ZNF45: variants seen among roughly 807,000 people sequenced by gnomAD.
ZNF45 encodes the protein BRC1744.
In ZNF45, 4 loss-of-function variants were observed where a neutral mutation model predicts 12.0. The observed-to-expected ratio is 0.33, with a 90% CI of 0.16 to 0.76. The LOEUF (loss-of-function observed/expected upper bound fraction) is 0.76. ZNF45 is among the 30% of genes least tolerant of loss of function. The pLI is 0.60. For synonymous variants in ZNF45, 272 were observed against 279.6 expected (o/e 0.97, Z 0.27); for missense variants, 700 against 813.0 (o/e 0.86, Z 1.69).
Position 43,913,722 on chromosome 19 carries a change from G to A in ZNF45, c.1714C>T (p.Leu572=). ...CCTGTGTGGACTCCACGATGTGCCA[G>A]AAAATTGGAGGCCCGACAGAAGCCC... is the stretch of plus-strand genomic sequence containing the variant. ...GKGFCRASNF[L]AHRGVHTGEK... Residue 572 remains leucine, a synonymous_variant, in exon 10 of 10, where the codon CTG becomes TTG. Coordinates refer to ENST00000269973, the MANE Select transcript of ZNF45 (RefSeq NM_003425.4). 2 of 1,609,838 alleles carry A rather than the reference G, an allele frequency of 1.2e-6. No homozygotes were observed. The highest frequency in any genetic ancestry group is 1.7e-6 in the Non-Finnish European group (2 of 1,178,856).
intron 9 of ZNF45, among the ~76,000 whole-genome samples, chr19:43,916,304 T>C (rs1032426920): frequency 6.6e-6 from 1 of 151,728 alleles, no homozygotes; most frequent in African/African-American, 2.4e-5. Flanking sequence ...TTTGTAGAGA[T>C]GGGGTTTCAC....
In ZNF45 at chr19:43,928,590, A is replaced by G. The variant is rs1732420776; in HGVS notation, c.-399-3132T>C. Among the ~76,000 whole-genome samples, 3 of 152,150 alleles carry G rather than the reference A, an allele frequency of 2.0e-5. No homozygotes were observed. The South Asian group carries it at 6.2e-4, about 32-fold the overall frequency. On this transcript the variant is annotated intron_variant, in intron 3 of 9. Coordinates refer to ENST00000269973, the MANE Select transcript of ZNF45 (RefSeq NM_003425.4). The stretch of plus-strand genomic sequence containing the variant: ...GTGATGCTAATGCTGCTGGTCCCTA[A>G]ATTACAATTTGATAGCATCAGTTAA...
chr19:43,913,026 A>G lies in ZNF45; in HGVS notation c.*361T>C, dbSNP rs952575951. 5.6e-6 allele frequency: 1 copy of G among 178,818 alleles called. No homozygotes were observed. Among genetic ancestry groups the G allele is most frequent in the African/African-American group, 2.4e-5 (1 of 42,504 alleles). 11.1% of individuals were successfully genotyped at this position (178,818 alleles called of 1,614,324 possible). A position where few individuals can be genotyped will look rare whatever the true frequency, so the allele number is the denominator to read the frequency against. On this transcript the variant is annotated 3_prime_UTR_variant, in exon 10 of 10. Transcript: ENST00000269973. The stretch of plus-strand genomic sequence containing the variant: ...AATTTCAAATATGACAGTAATTTCA[A>G]ATACTACTGAAAAATTACAACGTAT...
At position 43,912,649 on chromosome 19, in the gene ZNF45, G is replaced by T. The variant is rs539628007; in HGVS notation, c.*738C>A. 6.6e-6 allele frequency: 1 copy of T among 152,288 alleles called. No homozygotes were observed. Among genetic ancestry groups the T allele is most frequent in the African/African-American group, 2.4e-5 (1 of 41,566 alleles). 9.4% of individuals were successfully genotyped at this position (152,288 alleles called of 1,614,324 possible). ...TGGGATTGACTGGAAATGGGCACAA[G>T]AAAACTTTTTGGTTTAATAGACATA... On this transcript the variant is annotated 3_prime_UTR_variant, in exon 10 of 10. Transcript: ENST00000269973.
chr19:43,921,082 A>G (rs1973132664), intron 7 of ZNF45, among the ~76,000 whole-genome samples: 1 of 152,196 alleles, frequency 6.6e-6, no homozygotes, highest in Non-Finnish European at 1.5e-5. Flanking sequence ...CTAGGCACCC[A>G]CACAAAAAGG....
At position 43,914,388 on chromosome 19, in the gene ZNF45, GAATA is replaced by G. The variant is rs767897359; in HGVS notation, c.1044_1047del (p.His350ValfsTer30). The G allele has an allele frequency of 5.0e-6, 8 of 1,610,702 alleles. No homozygotes were observed. In the East Asian group the frequency reaches 8.9e-5, roughly 18 times the overall value. On this transcript the variant is annotated frameshift_variant, in exon 10 of 10. Coordinates refer to ENST00000269973, the MANE Select transcript of ZNF45 (RefSeq NM_003425.4). LOFTEE classifies it low-confidence loss of function (END_TRUNC). Reference sequence around the variant, plus strand: ...TTCTCTCCTGTGTGGATTCTACAATGAATATTAAGGTGTGAGCTGTAACTAAAGC... The same window carrying G: ...TTCTCTCCTGTGTGGATTCTACAATGTTAAGGTGTGAGCTGTAACTAAAGC...
At chr19:43,922,486 G>C (rs891396858) in intron 6 of ZNF45, among the ~76,000 whole-genome samples, 32 of 151,918 alleles carry the variant, frequency 2.1e-4, no homozygotes, top group African/African-American at 7.0e-4. Flanking sequence ...TGGCTCTCAG[G>C]GTATGACTGA....
chr19:43,932,646 T>C lies in ZNF45; in HGVS notation c.-442A>G, dbSNP rs1974222545. ...TTTGCAAACCTCTTGCTGGGTACTC[T>C]TGAGAAGAATATGATAATGTCCATG... On this transcript the variant is annotated 5_prime_UTR_variant, in exon 3 of 10. Coordinates refer to ENST00000269973, the MANE Select transcript of ZNF45 (RefSeq NM_003425.4). 6.6e-6 allele frequency: 1 copy of C among 152,176 alleles called. No homozygotes were observed. The highest frequency in any genetic ancestry group is 2.4e-5 in the African/African-American group (1 of 41,448). 9.4% of individuals were successfully genotyped at this position (152,176 alleles called of 1,614,324 possible).
At chr19:43,925,750 T>C (rs1973622972) in intron 3 of ZNF45, among the ~76,000 whole-genome samples, 1 of 152,162 alleles carries the variant, frequency 6.6e-6, no homozygotes, top group South Asian at 2.1e-4. Flanking sequence ...GCCTCCCCAG[T>C]AGCTGGATTA....
chr19:43,917,459 A>T (rs915475878), intron 9 of ZNF45, among the ~76,000 whole-genome samples: 1 of 151,800 alleles, frequency 6.6e-6, no homozygotes, highest in Non-Finnish European at 1.5e-5. Flanking sequence ...TCATGTCTGT[A>T]TATACTTTGC....
chr19:43,920,440 T>C (rs1973037281), intron 7 of ZNF45, among the ~76,000 whole-genome samples: 1 of 147,444 alleles, frequency 6.8e-6, no homozygotes, highest in Non-Finnish European at 1.5e-5. Context: ...TCTAGGGCAC[T>C]GTAGGGCATT....
chr19:43,922,125 C>T (rs373181320), intron 7 of ZNF45, 46 bp downstream of exon 7: 30 of 1,601,704 alleles, frequency 1.9e-5, no homozygotes, highest in African/African-American at 6.7e-5. Context: ...GTAATCTTTC[C>T]GAAATGAGAT....
chr19:43,916,747 A>G (rs949527029), intron 9 of ZNF45, among the ~76,000 whole-genome samples: 1 of 152,226 alleles, frequency 6.6e-6, no homozygotes, highest in South Asian at 2.1e-4. Context: ...AACTTTTTCA[A>G]GTAAACGATG....
chr19:43,916,235 C>A (rs1013821062), intron 9 of ZNF45, among the ~76,000 whole-genome samples: 3 of 152,030 alleles, frequency 2.0e-5, no homozygotes, highest in Non-Finnish European at 4.4e-5. Context: ...CTGCCTTATC[C>A]CCCCAAGCTG....
At chr19:43,933,058 C>T (rs1165982224) in intron 2 of ZNF45, among the ~76,000 whole-genome samples, 1 of 152,212 alleles carries the variant, frequency 6.6e-6, no homozygotes, top group Non-Finnish European at 1.5e-5. Flanking sequence ...TGATTTTGGA[C>T]TTTTAGCCTC....
At chr19:43,922,832 T>TG (rs1247820816) in intron 6 of ZNF45, among the ~76,000 whole-genome samples, 1 of 142,716 alleles carries the variant, frequency 7.0e-6, no homozygotes, top group South Asian at 2.3e-4. Context: ...TTTTTTTTTT[T>TG]TTTTTTTTTT....
intron 4 of ZNF45, 166 bp downstream of exon 4, chr19:43,925,159 G>C (rs911736108): frequency 6.6e-6 from 1 of 152,196 alleles, no homozygotes; most frequent in East Asian, 1.9e-4. Flanking sequence ...CAAGACAACA[G>C]CTTCTGCGAA....
At chr19:43,923,085 C>A (rs1209611367) in intron 6 of ZNF45, among the ~76,000 whole-genome samples, 2 of 152,136 alleles carry the variant, frequency 1.3e-5, no homozygotes, top group Non-Finnish European at 2.9e-5. Flanking sequence ...CTCAGCCTCC[C>A]AAAGTGCTGG....
intron 3 of ZNF45, among the ~76,000 whole-genome samples, 160 bp from the exon 4 acceptor site, chr19:43,925,618 ATACT>A: frequency 6.6e-6 from 1 of 152,264 alleles, no homozygotes; most frequent in Non-Finnish European, 1.5e-5. Flanking sequence ...CTTAGAAGAA[ATACT>A]TATTTATTTA....
Sources: gnomAD v4.1 joint callset for allele counts (sites outside exome capture counted in the v4.1 genomes callset) on GRCh38, gnomAD v4.1.1 for gene constraint, MANE v1.5 for transcripts, NCBI Gene and HGNC (gene_info 2026-07-23, HGNC 2026-07-21) for gene names.